Variants in CECR2 observed in about 807,000 individuals in gnomAD.
CECR2 encodes the protein chromatin remodeling regulator CECR2.
In CECR2, 30 loss-of-function variants were observed where a neutral mutation model predicts 154.5. That is an observed-to-expected ratio of 0.19 (90% CI 0.15 to 0.26). The LOEUF is 0.26. Among genes scored for constraint, CECR2 ranks in the 10% least tolerant of loss-of-function variants. CECR2 has a pLI of 1.00. For missense variants in CECR2, 1,743 were observed against 1,829.3 expected, an observed-to-expected ratio of 0.95 and a Z score of 0.86; for synonymous variants, 725 against 683.7, an observed-to-expected ratio of 1.06 and a Z score of -0.94.
In CECR2 at chr22:17,553,738, T is replaced by C. The variant is rs1307001364; in HGVS notation, c.*898T>C. ...TGATTTTGCCACCAGCCCTACCGAA[T>C]AGTTGTAAACCAGTATCAGGAATTG... On this transcript the variant is annotated 3_prime_UTR_variant, in exon 19 of 19. Coordinates refer to ENST00000262608, the MANE Select transcript of CECR2 (RefSeq NM_001290047.2). 1 of 152,148 alleles carries C rather than the reference T, an allele frequency of 6.6e-6. No individual in the cohort carries two copies. The allele number at this position is 152,148 out of a possible 1,614,324, so 9.4% of individuals were successfully genotyped here.
chr22:17,539,138 T>G lies in CECR2; in HGVS notation c.1495+19T>G. On this transcript the variant is annotated intron_variant, in intron 13 of 18. Transcript: ENST00000262608. ...AGTAGTGGTAAGCAGGGAAGGAGTTTGTGCTAGATACATATCTGTAATCAA... is the reference window on the plus strand; with the variant it reads ...AGTAGTGGTAAGCAGGGAAGGAGTTGGTGCTAGATACATATCTGTAATCAA... 1 of 1,610,512 alleles carries G rather than the reference T, an allele frequency of 6.2e-7. No individual in the cohort carries two copies. The highest frequency in any genetic ancestry group is 1.3e-5 in the African/African-American group (1 of 75,030).
At chr22:17,539,929 G>T (rs1422438077) in intron 13 of CECR2, among the ~76,000 whole-genome samples, 1 of 152,122 alleles carries the variant, frequency 6.6e-6, no homozygotes, top group Non-Finnish European at 1.5e-5. Flanking sequence ...AAATTCTTGG[G>T]CTCAAGGGAT....
chr22:17,382,333 A>G (rs1368852115), intron 1 of CECR2, among the ~76,000 whole-genome samples: 1 of 152,210 alleles, frequency 6.6e-6, no homozygotes. Flanking sequence ...TTTTAGAGTA[A>G]GAAGTCCTGT....
At chr22:17,540,145 A>G (rs1231376098) in intron 13 of CECR2, among the ~76,000 whole-genome samples, 17 of 152,244 alleles carry the variant, frequency 1.1e-4, no homozygotes, top group Admixed American at 1.0e-3. Context: ...GTTTGACTTA[A>G]TAGTCCTAGA....
chr22:17,379,538 T>G (rs1003343222), intron 1 of CECR2, among the ~76,000 whole-genome samples: 62 of 150,702 alleles, frequency 4.1e-4, no homozygotes, highest in Admixed American at 2.1e-3. Flanking sequence ...GGGGAGGGCG[T>G]TATCCATGAC....
At chr22:17,509,535 T>A (rs2055904370) in intron 7 of CECR2, among the ~76,000 whole-genome samples, 1 of 151,990 alleles carries the variant, frequency 6.6e-6, no homozygotes, top group Non-Finnish European at 1.5e-5. Context: ...GCTCAAACGA[T>A]TCTCCTCCCT....
intron 1 of CECR2, among the ~76,000 whole-genome samples, chr22:17,457,076 G>C (rs1156385888): frequency 6.6e-6 from 1 of 152,216 alleles, no homozygotes; most frequent in Non-Finnish European, 1.5e-5. Flanking sequence ...GCCCAGGCTG[G>C]AGTGCAGTGG....
At chr22:17,458,977 C>A (rs2054895728) in intron 1 of CECR2, among the ~76,000 whole-genome samples, 1 of 152,188 alleles carries the variant, frequency 6.6e-6, no homozygotes, top group South Asian at 2.1e-4. Flanking sequence ...GAAAATGAGT[C>A]ATTATGAATT....
chr22:17,550,577 G>A (rs1445063520), intron 17 of CECR2, among the ~76,000 whole-genome samples: 1 of 152,190 alleles, frequency 6.6e-6, no homozygotes, highest in East Asian at 1.9e-4. Flanking sequence ...ACATGCTTGT[G>A]TAGTGTTGTT....
At chr22:17,514,123 G>A (rs1010176632) in intron 8 of CECR2, among the ~76,000 whole-genome samples, 1 of 152,182 alleles carries the variant, frequency 6.6e-6, no homozygotes, top group African/African-American at 2.4e-5. Context: ...CAAACTTATT[G>A]CCTGATAAAA....
At chr22:17,482,903 G>A (rs937230485) in intron 2 of CECR2, among the ~76,000 whole-genome samples, 1 of 151,830 alleles carries the variant, frequency 6.6e-6, no homozygotes, top group East Asian at 1.9e-4. Flanking sequence ...GGATGGTCTC[G>A]ATCTCCTGAC....
chr22:17,549,292 A>G lies in CECR2; in HGVS notation c.4005A>G (p.Ala1335=), dbSNP rs2056668041. 1.9e-6 allele frequency: 3 copies of G among 1,613,812 alleles called. No individual in the cohort carries two copies. The highest frequency in any genetic ancestry group is 1.1e-5 in the South Asian group (1 of 91,076). ...LSSGMGFGSS[A]FPPHSVMLQT... ...CAGGAATGGGATTTGGTTCATCTGCATTTCCACCCCACAGTGTGATGCTGC... is the reference window on the plus strand; with the variant it reads ...CAGGAATGGGATTTGGTTCATCTGCGTTTCCACCCCACAGTGTGATGCTGC... The change falls in exon 17 of 19, where the codon GCA becomes GCG. Residue 1335 remains alanine, a synonymous_variant. Transcript: ENST00000262608.
chr22:17,381,939 G>A (rs1014009022), intron 1 of CECR2, among the ~76,000 whole-genome samples: 1 of 151,532 alleles, frequency 6.6e-6, no homozygotes, highest in Non-Finnish European at 1.5e-5. Context: ...CCAGGCTGGA[G>A]TGCAGTGGCA....
At chr22:17,401,948 G>C (rs1221741914) in intron 1 of CECR2, among the ~76,000 whole-genome samples, 1 of 151,758 alleles carries the variant, frequency 6.6e-6, no homozygotes, top group Non-Finnish European at 1.5e-5. Context: ...TGAGTAGCTG[G>C]GGCTACAGGT....
intron 1 of CECR2, among the ~76,000 whole-genome samples, chr22:17,450,892 C>G (rs2054758251): frequency 6.6e-6 from 1 of 152,240 alleles, no homozygotes; most frequent in South Asian, 2.1e-4. Context: ...TGCTGCTACT[C>G]TAGTCCAGAC....
intron 1 of CECR2, among the ~76,000 whole-genome samples, chr22:17,431,430 C>T (rs1175314876): frequency 6.6e-6 from 1 of 152,164 alleles, no homozygotes; most frequent in Non-Finnish European, 1.5e-5. Context: ...TACATGTTTC[C>T]TGTTCTCAGT....
chr22:17,548,095 T>G, intron 16 of CECR2, 53 bp from the exon 17 acceptor site: 2 of 1,429,150 alleles, frequency 1.4e-6, no homozygotes, highest in Non-Finnish European at 1.9e-6. Flanking sequence ...ACATTAATAC[T>G]GTCATTTCAG....
At chr22:17,419,766 G>T (rs1043287253) in intron 1 of CECR2, 12 of 283,522 alleles carry the variant, frequency 4.2e-5, no homozygotes, top group South Asian at 3.0e-4. Flanking sequence ...GTAAAAAGAT[G>T]ATGGGGATAA....
chr22:17,468,778 C>T (rs1452594635), intron 1 of CECR2, among the ~76,000 whole-genome samples: 1 of 152,204 alleles, frequency 6.6e-6, no homozygotes, highest in East Asian at 1.9e-4. Context: ...TTAGTCCATA[C>T]TGTTTTGCCG....
Sources: gnomAD v4.1 joint callset for allele counts (sites outside exome capture counted in the v4.1 genomes callset) on GRCh38, gnomAD v4.1.1 for gene constraint, MANE v1.5 for transcripts, NCBI Gene and HGNC (gene_info 2026-07-23, HGNC 2026-07-21) for gene names.